Variants in PLCB1 observed in about 807,000 individuals in gnomAD.
The protein encoded by PLCB1 is 1-phosphatidylinositol 4,5-bisphosphate phosphodiesterase beta-1.
Under a neutral mutation model 161.8 loss-of-function variants are expected in PLCB1, and 46 were observed. The observed-to-expected ratio is 0.28, with a 90% CI of 0.22 to 0.36. PLCB1 has a LOEUF of 0.36. Among genes scored for constraint, PLCB1 ranks in the 10% least tolerant of loss-of-function variants. The pLI is 1.00. For missense variants in PLCB1, 1,016 were observed against 1,472.5 expected (o/e 0.69, Z 5.07); for synonymous variants, 517 against 503.7 (o/e 1.03, Z -0.35).
intron 2 of PLCB1, among the ~76,000 whole-genome samples, chr20:8,313,203 A>C (rs1369861782): frequency 6.6e-6 from 1 of 152,188 alleles, no homozygotes; most frequent in Non-Finnish European, 1.5e-5. Flanking sequence ...GTAACAAACT[A>C]TCTCAAATTA....
intron 31 of PLCB1, among the ~76,000 whole-genome samples, chr20:8,839,741 A>G (rs892145833): frequency 7.3e-6 from 1 of 136,750 alleles, no homozygotes; most frequent in Non-Finnish European, 1.6e-5. Context: ...TTCTTAAAAA[A>G]AAAAAAAAAA....
In PLCB1 at chr20:8,397,378, A is replaced by C. The variant is rs1484909015; in HGVS notation, c.246+25928A>C. ...GATTTATATATTTATAGTTACGTTC[A>C]GTTTTAGAGATTAAAATGCTCTATT... is the stretch of plus-strand genomic sequence containing the variant. On this transcript the variant is annotated intron_variant, in intron 3 of 31. Coordinates refer to ENST00000338037, the MANE Select transcript of PLCB1 (RefSeq NM_015192.4). Among the ~76,000 whole-genome samples the C allele has an allele frequency of 3.9e-5, 6 of 152,238 alleles. No individual in the cohort carries two copies. The East Asian group carries it at 1.2e-3, about 29-fold the overall frequency.
At chr20:8,584,473 C>CACACACACAG (rs1327317307) in intron 3 of PLCB1, among the ~76,000 whole-genome samples, 2 of 135,118 alleles carry the variant, frequency 1.5e-5, no homozygotes, top group South Asian at 2.8e-4. Context: ...CACACACATA[C>CACACACACAG]ACACACACAG....
At chr20:8,185,885 G>T (rs1332214887) in intron 2 of PLCB1, among the ~76,000 whole-genome samples, 1 of 152,116 alleles carries the variant, frequency 6.6e-6, no homozygotes, top group African/African-American at 2.4e-5. Flanking sequence ...ATGAATGAAT[G>T]TTCTGTTTCC....
chr20:8,339,518 G>C (rs1177809425), intron 2 of PLCB1, among the ~76,000 whole-genome samples: 2 of 152,208 alleles, frequency 1.3e-5, no homozygotes, highest in Non-Finnish European at 2.9e-5. Flanking sequence ...TCCATTAAAA[G>C]TTACACCATG....
At chr20:8,302,990 C>T (rs1983977167) in intron 2 of PLCB1, among the ~76,000 whole-genome samples, 1 of 152,204 alleles carries the variant, frequency 6.6e-6, no homozygotes, top group Non-Finnish European at 1.5e-5. Flanking sequence ...GGTGTACCCA[C>T]TGCTATGCTG....
At chr20:8,236,782 T>C (rs1354662392) in intron 2 of PLCB1, among the ~76,000 whole-genome samples, 1 of 151,824 alleles carries the variant, frequency 6.6e-6, no homozygotes, top group Non-Finnish European at 1.5e-5. Context: ...CCTTTATAAA[T>C]TAAAGAATAA....
chr20:8,759,392 T>A (rs1228962684), intron 24 of PLCB1, among the ~76,000 whole-genome samples: 1 of 152,242 alleles, frequency 6.6e-6, no homozygotes. Context: ...TATGCAAATA[T>A]CCTGTTCTTC....
chr20:8,418,359 C>A (rs1390400467), intron 3 of PLCB1, among the ~76,000 whole-genome samples: 3 of 152,212 alleles, frequency 2.0e-5, no homozygotes, highest in Non-Finnish European at 4.4e-5. Context: ...ACCAGCCCAA[C>A]CTTCAGGCCA....
At chr20:8,526,585 T>C (rs1984593079) in intron 3 of PLCB1, among the ~76,000 whole-genome samples, 1 of 152,142 alleles carries the variant, frequency 6.6e-6, no homozygotes, top group South Asian at 2.1e-4. Context: ...ACATTCTTAC[T>C]GTCCTCCAAT....
intron 1 of PLCB1, 48 bp from the exon 2 acceptor site, chr20:8,150,246 T>G (rs1600199955): frequency 3.7e-6 from 3 of 805,838 alleles, no homozygotes; most frequent in Middle Eastern, 2.4e-4. Context: ...GGATAGATTT[T>G]TCTACAGTGA....
At chr20:8,427,124 T>C (rs948160728) in intron 3 of PLCB1, among the ~76,000 whole-genome samples, 3 of 152,144 alleles carry the variant, frequency 2.0e-5, no homozygotes, top group African/African-American at 7.2e-5. Context: ...TTGGACGGGC[T>C]GGTCTCGAAC....
At chr20:8,598,921 A>T in intron 3 of PLCB1, among the ~76,000 whole-genome samples, 1 of 132,104 alleles carries the variant, frequency 7.6e-6, no homozygotes, top group Admixed American at 8.0e-5. Context: ...TAGGATTGCA[A>T]CCCCTGCCTT....
chr20:8,799,661 T>C (rs751387720), intron 31 of PLCB1, among the ~76,000 whole-genome samples: 7 of 152,174 alleles, frequency 4.6e-5, no homozygotes, highest in Non-Finnish European at 7.3e-5. Flanking sequence ...TTCAATATTT[T>C]AAAGGGAAAA....
intron 3 of PLCB1, among the ~76,000 whole-genome samples, chr20:8,373,286 ACT>A (rs1986962857): frequency 6.6e-6 from 1 of 150,772 alleles, no homozygotes; most frequent in African/African-American, 2.4e-5. Context: ...CAAGAACCTC[ACT>A]CTCCTCTAAT....
At chr20:8,289,931 C>T (rs1428351355) in intron 2 of PLCB1, among the ~76,000 whole-genome samples, 1 of 152,140 alleles carries the variant, frequency 6.6e-6, no homozygotes, top group East Asian at 1.9e-4. Context: ...TATAATTTCT[C>T]AAAGATCATT....
intron 3 of PLCB1, among the ~76,000 whole-genome samples, chr20:8,391,305 C>T (rs1269180486): frequency 6.6e-6 from 1 of 152,066 alleles, no homozygotes; most frequent in Non-Finnish European, 1.5e-5. Context: ...CAAACACCTA[C>T]CCCCAGAGAA....
intron 3 of PLCB1, among the ~76,000 whole-genome samples, chr20:8,565,481 AAACTT>A (rs1386122971): frequency 6.6e-6 from 1 of 151,776 alleles, no homozygotes; most frequent in African/African-American, 2.4e-5. Flanking sequence ...AGTATAATAA[AAACTT>A]AAAGTATAAT....
At chr20:8,367,489 A>G (rs1986749024) in intron 2 of PLCB1, among the ~76,000 whole-genome samples, 1 of 152,186 alleles carries the variant, frequency 6.6e-6, no homozygotes, top group Admixed American at 6.5e-5. Context: ...AGAGCCACTG[A>G]TACGGAAGGT....
Sources: gnomAD v4.1 joint callset for allele counts (sites outside exome capture counted in the v4.1 genomes callset) on GRCh38, gnomAD v4.1.1 for gene constraint, MANE v1.5 for transcripts, NCBI Gene and HGNC (gene_info 2026-07-23, HGNC 2026-07-21) for gene names.